CRACD: variants seen among roughly 807,000 people sequenced by gnomAD.
CRACD encodes capping protein inhibiting regulator of actin dynamics.
A neutral mutation model predicts 106.8 loss-of-function variants in CRACD; 56 were observed. The observed-to-expected ratio is 0.52, with a 90% confidence interval of 0.42 to 0.66. The LOEUF (loss-of-function observed/expected upper bound fraction) is 0.66. Ranked by LOEUF, CRACD falls within the 30% of genes least tolerant of loss-of-function variation. CRACD has a pLI of 0.00. For synonymous variants in CRACD, 754 were observed against 670.8 expected, an observed-to-expected ratio of 1.12 and a Z score of -1.92; for missense variants, 1,730 against 1,623.2, an observed-to-expected ratio of 1.07 and a Z score of -1.13.
rs370500907 is a variant in CRACD, at chr4:56,169,087, G to A, written c.-335-10197G>A. On this transcript the variant is annotated intron_variant, in intron 1 of 10. Transcript: ENST00000682029. ...GGTAAGATTCATTAGGGGCTGAGGT[G>A]TGGAGGGATCAGTGGAAATCTGTTC... Among the ~76,000 whole-genome samples, 129 of 152,342 alleles carry A rather than the reference G, an allele frequency of 8.5e-4. 2 individuals are homozygous for A. The South Asian group carries it at 0.026, about 31-fold the overall frequency.
intron 2 of CRACD, among the ~76,000 whole-genome samples, chr4:56,229,669 G>A (rs1739502555): frequency 1.3e-5 from 2 of 152,186 alleles, no homozygotes; most frequent in Non-Finnish European, 2.9e-5. Context: ...ATATCCTGAT[G>A]CTTCTTAGCT....
chr4:56,096,093 A>G (rs529298387), intron 1 of CRACD, among the ~76,000 whole-genome samples: 38 of 152,142 alleles, frequency 2.5e-4, no homozygotes, highest in Non-Finnish European at 4.1e-4. Flanking sequence ...GGGGAGGATC[A>G]GAGGTTCAGT....
chr4:56,070,846 G>GTTGTGTGTGTGTGTGTGT (rs1732621610), intron 1 of CRACD, among the ~76,000 whole-genome samples: 1 of 17,590 alleles, frequency 5.7e-5, no homozygotes, highest in African/African-American at 1.9e-4. Context: ...CAGGGGCTAT[G>GTTGTGTGTGTGTGTGTGT]CTGTGTGTGT....
In CRACD at chr4:56,328,056, C is replaced by T; in HGVS notation, c.*252C>T. ...ATTCCGTCCACAGGACCACATGAAG[C>T]AAAATCTCTAAGCTAAGAACTCGTG... On this transcript the variant is annotated 3_prime_UTR_variant, in exon 11 of 11. Transcript: ENST00000682029. The T allele has an allele frequency of 2.4e-6, 1 of 412,494 alleles. No homozygotes were observed. Among genetic ancestry groups the T allele is most frequent in the Admixed American group, 3.8e-5 (1 of 26,502 alleles). 25.6% of individuals were successfully genotyped at this position (412,494 alleles called of 1,614,324 possible). A position where few individuals can be genotyped will look rare whatever the true frequency, so the allele number is the denominator to read the frequency against.
intron 1 of CRACD, among the ~76,000 whole-genome samples, chr4:56,050,273 AGTGTGTGT>A (rs3036783): frequency 0.056 from 7,540 of 134,504 alleles, 210 homozygotes; most frequent in African/African-American, 0.072. Flanking sequence ...TAGGTGAGGG[AGTGTGTGT>A]GTGTGTGTGT....
chr4:56,268,486 AAGAT>A (rs1203619112), intron 2 of CRACD, among the ~76,000 whole-genome samples: 3 of 152,198 alleles, frequency 2.0e-5, no homozygotes, highest in East Asian at 1.9e-4. Flanking sequence ...TATTTTTAAA[AAGAT>A]AGAAATTTGG....
chr4:56,322,061 A>G (rs938588091), intron 8 of CRACD, among the ~76,000 whole-genome samples: 2 of 152,244 alleles, frequency 1.3e-5, no homozygotes, highest in Non-Finnish European at 2.9e-5. Flanking sequence ...TTCAAAAACA[A>G]TACTATAGTG....
chr4:56,230,359 A>G (rs1475594611), intron 2 of CRACD, among the ~76,000 whole-genome samples: 1 of 152,230 alleles, frequency 6.6e-6, no homozygotes, highest in East Asian at 1.9e-4. Flanking sequence ...TGGCCTTTTC[A>G]AGTTGAAAAG....
intron 1 of CRACD, among the ~76,000 whole-genome samples, chr4:56,078,215 G>T (rs892182345): frequency 4.0e-5 from 6 of 150,338 alleles, no homozygotes; most frequent in African/African-American, 1.2e-4. Context: ...TTGTTTTATT[G>T]GTTTCATAAC....
chr4:56,059,839 A>G (rs1302791908), intron 1 of CRACD, among the ~76,000 whole-genome samples: 4 of 152,080 alleles, frequency 2.6e-5, no homozygotes, highest in Non-Finnish European at 5.9e-5. Context: ...ATGCGCCACC[A>G]CACCTGGCTA....
chr4:56,115,953 T>C (rs1734260786), intron 1 of CRACD, among the ~76,000 whole-genome samples: 1 of 152,202 alleles, frequency 6.6e-6, no homozygotes. Flanking sequence ...CAGTGACCCA[T>C]TTTCAGAATC....
intron 1 of CRACD, among the ~76,000 whole-genome samples, chr4:56,081,183 A>G (rs1733009800): frequency 6.6e-6 from 1 of 152,116 alleles, no homozygotes; most frequent in Admixed American, 6.6e-5. Flanking sequence ...ATTATCTCAT[A>G]TCAACAACAA....
intron 1 of CRACD, among the ~76,000 whole-genome samples, chr4:56,058,224 C>T (rs1314286159): frequency 3.3e-5 from 5 of 152,096 alleles, no homozygotes; most frequent in Non-Finnish European, 7.4e-5. Context: ...TGTGTGCCAC[C>T]ACGCCTGGCT....
chr4:56,219,635 G>A (rs1299388061), intron 2 of CRACD, among the ~76,000 whole-genome samples: 1 of 152,166 alleles, frequency 6.6e-6, no homozygotes, highest in Non-Finnish European at 1.5e-5. Context: ...TGATTACAGG[G>A]GTGAGGTACC....
intron 8 of CRACD, among the ~76,000 whole-genome samples, chr4:56,319,976 C>T (rs1745962940): frequency 6.6e-6 from 1 of 152,100 alleles, no homozygotes; most frequent in Non-Finnish European, 1.5e-5. Flanking sequence ...AGTTCAAGAC[C>T]AGCCTGGCCA....
At chr4:56,187,424 G>A (rs1490331125) in intron 2 of CRACD, among the ~76,000 whole-genome samples, 2 of 152,020 alleles carry the variant, frequency 1.3e-5, no homozygotes, top group Admixed American at 1.3e-4. Flanking sequence ...AGAGGCCCTT[G>A]GATCCTCTAA....
At chr4:56,292,650 G>A (rs537997136) in intron 3 of CRACD, among the ~76,000 whole-genome samples, 7 of 151,936 alleles carry the variant, frequency 4.6e-5, no homozygotes, top group South Asian at 2.1e-4. Flanking sequence ...TCAGCCTCCC[G>A]AGTAGCTGGG....
chr4:56,284,426 G>A (rs569565183), intron 3 of CRACD, among the ~76,000 whole-genome samples: 2 of 151,156 alleles, frequency 1.3e-5, no homozygotes, highest in South Asian at 4.2e-4. Flanking sequence ...TATCACTATT[G>A]TCAGTAAAAT....
chr4:56,164,562 G>A (rs540861932), intron 1 of CRACD, among the ~76,000 whole-genome samples: 1 of 152,308 alleles, frequency 6.6e-6, no homozygotes, highest in Admixed American at 6.5e-5. Context: ...GCACAAAAGG[G>A]AGCCATACTG....
Sources: gnomAD v4.1 joint callset for allele counts (sites outside exome capture counted in the v4.1 genomes callset) on GRCh38, gnomAD v4.1.1 for gene constraint, MANE v1.5 for transcripts, NCBI Gene and HGNC (gene_info 2026-07-23, HGNC 2026-07-21) for gene names.